SLC14A2: variants seen among roughly 807,000 people sequenced by gnomAD.
SLC14A2 encodes solute carrier family 14 member 2, also known as urea transporter 2.
Under a neutral mutation model 104.6 loss-of-function variants are expected in SLC14A2, and 91 were observed. The observed-to-expected ratio is 0.87, with a 90% confidence interval of 0.73 to 1.04. SLC14A2 has a LOEUF of 1.04. SLC14A2 is among the 50% of genes least tolerant of loss of function. The pLI, the probability that SLC14A2 is intolerant of heterozygous loss-of-function variation, is 0.00. For synonymous variants in SLC14A2, 476 were observed against 466.4 expected, an observed-to-expected ratio of 1.02 and a Z score of -0.27; for missense variants, 1,189 against 1,156.0, an observed-to-expected ratio of 1.03 and a Z score of -0.41.
intron 1 of SLC14A2, among the ~76,000 whole-genome samples, chr18:45,443,029 A>G (rs938013322): frequency 2.0e-5 from 3 of 152,230 alleles, no homozygotes; most frequent in Admixed American, 6.5e-5. Flanking sequence ...TTTGAAAACT[A>G]TTTGGGAAAG....
At chr18:45,514,624 A>G (rs2043411976) in intron 2 of SLC14A2, among the ~76,000 whole-genome samples, 1 of 152,224 alleles carries the variant, frequency 6.6e-6, no homozygotes, top group South Asian at 2.1e-4. Flanking sequence ...CCTAACGTAG[A>G]CCTGACCTAT....
intron 1 of SLC14A2, among the ~76,000 whole-genome samples, chr18:45,419,129 G>A (rs765446544): frequency 6.6e-6 from 1 of 152,248 alleles, no homozygotes; most frequent in Non-Finnish European, 1.5e-5. Flanking sequence ...CAACCTGCCA[G>A]TAAGCATTGC....
At chr18:45,573,101 A>G (rs2044372251) in intron 2 of SLC14A2, among the ~76,000 whole-genome samples, 1 of 152,174 alleles carries the variant, frequency 6.6e-6, no homozygotes, top group Non-Finnish European at 1.5e-5. Context: ...CAGAGCCAAA[A>G]TTCAGGGTCT....
At chr18:45,434,626 G>A (rs1033669212) in intron 1 of SLC14A2, among the ~76,000 whole-genome samples, 1 of 152,158 alleles carries the variant, frequency 6.6e-6, no homozygotes, top group Non-Finnish European at 1.5e-5. Flanking sequence ...ATTGTTAGCA[G>A]GTTTACTAAC....
rs2084503249 is a variant in SLC14A2, at chr18:45,258,520, G to A, written c.-125+45329G>A. Among the ~76,000 whole-genome samples the A allele has an allele frequency of 1.4e-5, 2 of 143,328 alleles. 1 individual carries two copies. Among genetic ancestry groups the A allele is most frequent in the Non-Finnish European group, 3.0e-5 (2 of 65,852 alleles). The allele number at this position is 143,328 out of a possible 152,430, so 94.0% of individuals were successfully genotyped here. On this transcript the variant is annotated intron_variant, in intron 1 of 20. Transcript: ENST00000586448. The stretch of plus-strand genomic sequence containing the variant: ...GATCTGCTTTCTTAGGGTTCCAGCT[G>A]TGTAAGTCTGGATAAGCTAGGTACT...
At chr18:45,406,549 T>C (rs1419946984) in intron 1 of SLC14A2, among the ~76,000 whole-genome samples, 1 of 152,156 alleles carries the variant, frequency 6.6e-6, no homozygotes, top group Admixed American at 6.5e-5. Context: ...CAGTGAATCC[T>C]CTCCAGAAGG....
chr18:45,572,932 G>A (rs777960576), intron 2 of SLC14A2, among the ~76,000 whole-genome samples: 5 of 152,256 alleles, frequency 3.3e-5, no homozygotes, highest in Non-Finnish European at 5.9e-5. Context: ...TCGTTAAGAC[G>A]ACCTTATGAA....
intron 1 of SLC14A2, among the ~76,000 whole-genome samples, chr18:45,330,295 T>C (rs2085276008): frequency 6.6e-6 from 1 of 152,194 alleles, no homozygotes; most frequent in Non-Finnish European, 1.5e-5. Flanking sequence ...CTTCCAATTG[T>C]ACCCCTAAGC....
intron 1 of SLC14A2, among the ~76,000 whole-genome samples, chr18:45,480,359 C>T (rs996130884): frequency 6.6e-6 from 1 of 152,122 alleles, no homozygotes; most frequent in Admixed American, 6.5e-5. Context: ...ATTGCTCATG[C>T]CCTGTACTCT....
intron 10 of SLC14A2, among the ~76,000 whole-genome samples, chr18:45,645,292 G>A (rs551226304): frequency 4.6e-5 from 7 of 152,160 alleles, no homozygotes; most frequent in African/African-American, 1.7e-4. Flanking sequence ...ACAGTGCTGT[G>A]ATAAACATAT....
At chr18:45,334,260 T>C (rs2085316573) in intron 1 of SLC14A2, among the ~76,000 whole-genome samples, 1 of 152,204 alleles carries the variant, frequency 6.6e-6, no homozygotes, top group African/African-American at 2.4e-5. Flanking sequence ...GCATTTTGCT[T>C]TGTCTATTGA....
chr18:45,343,498 GC>G (rs1159211056), intron 1 of SLC14A2, among the ~76,000 whole-genome samples: 1 of 152,076 alleles, frequency 6.6e-6, no homozygotes, highest in African/African-American at 2.4e-5. Flanking sequence ...AGAGTTCGAA[GC>G]ACTCCAGAGC....
At chr18:45,447,985 T>C (rs953579972) in intron 1 of SLC14A2, among the ~76,000 whole-genome samples, 1 of 152,260 alleles carries the variant, frequency 6.6e-6, no homozygotes, top group Admixed American at 6.5e-5. Flanking sequence ...TTAACAGTGT[T>C]GTAAAATAAT....
intron 1 of SLC14A2, among the ~76,000 whole-genome samples, chr18:45,246,969 G>A (rs1258312925): frequency 6.6e-6 from 1 of 152,172 alleles, no homozygotes; most frequent in Non-Finnish European, 1.5e-5. Flanking sequence ...TGAAAAAGAA[G>A]AAACTAGAAA....
At chr18:45,627,961 C>G (rs1295961572) in intron 4 of SLC14A2, among the ~76,000 whole-genome samples, 1 of 148,130 alleles carries the variant, frequency 6.8e-6, no homozygotes, top group Admixed American at 6.7e-5. Context: ...CAAGATCGTG[C>G]CACTGCACTC....
At chr18:45,396,646 T>A (rs2086035664) in intron 1 of SLC14A2, among the ~76,000 whole-genome samples, 1 of 148,942 alleles carries the variant, frequency 6.7e-6, no homozygotes, top group South Asian at 2.1e-4. Flanking sequence ...TTTTTTCTTT[T>A]TTCCCTCTTT....
chr18:45,249,370 T>C (rs1300408228), intron 1 of SLC14A2, among the ~76,000 whole-genome samples: 5 of 151,798 alleles, frequency 3.3e-5, no homozygotes, highest in Admixed American at 1.3e-4. Context: ...GTGCTGAACA[T>C]GCGTTGAGCA....
chr18:45,410,343 T>C (rs1484934973), intron 1 of SLC14A2, among the ~76,000 whole-genome samples: 1 of 152,210 alleles, frequency 6.6e-6, no homozygotes, highest in Non-Finnish European at 1.5e-5. Context: ...GCAAACTTCA[T>C]AAACTTTCAT....
intron 2 of SLC14A2, among the ~76,000 whole-genome samples, chr18:45,506,926 T>C (rs1271844830): frequency 1.3e-5 from 2 of 152,178 alleles, no homozygotes; most frequent in African/African-American, 4.8e-5. Context: ...TTTCCTCCCC[T>C]GAGGGGAACC....
Sources: allele counts gnomAD v4.1 joint callset (sites outside exome capture counted in the v4.1 genomes callset), GRCh38; gene constraint gnomAD v4.1.1; transcripts MANE v1.5; gene names NCBI Gene and HGNC (gene_info 2026-07-23, HGNC 2026-07-21).